NELL2: variants seen among roughly 807,000 people sequenced by gnomAD.
The protein encoded by NELL2 is protein kinase C-binding protein NELL2.
In NELL2, 41 loss-of-function variants were observed where a neutral mutation model predicts 109.6. That is an observed-to-expected ratio of 0.37 (90% CI 0.29 to 0.49). The LOEUF is 0.49. Ranked by LOEUF, NELL2 falls within the 20% of genes least tolerant of loss-of-function variation. The pLI, the probability that NELL2 is intolerant of heterozygous loss-of-function variation, is 0.98. For missense variants in NELL2, 900 were observed against 1,008.3 expected, an observed-to-expected ratio of 0.89 and a Z score of 1.45; for synonymous variants, 355 against 344.7, an observed-to-expected ratio of 1.03 and a Z score of -0.33.
At chr12:44,543,995 T>C (rs1464074346) in intron 15 of NELL2, among the ~76,000 whole-genome samples, 1 of 152,090 alleles carries the variant, frequency 6.6e-6, no homozygotes, top group Non-Finnish European at 1.5e-5. Flanking sequence ...AGTCCATAGG[T>C]AAAGCATGAG....
intron 16 of NELL2, among the ~76,000 whole-genome samples, chr12:44,525,578 G>A (rs1051790572): frequency 6.6e-6 from 1 of 152,086 alleles, no homozygotes; most frequent in Non-Finnish European, 1.5e-5. Flanking sequence ...CACATAGTTT[G>A]GTTATAACAA....
At chr12:44,765,675 G>C (rs1941299912) in intron 9 of NELL2, among the ~76,000 whole-genome samples, 1 of 152,172 alleles carries the variant, frequency 6.6e-6, no homozygotes, top group Admixed American at 6.5e-5. Context: ...ATTGGAAGAA[G>C]CTCCGTTCTT....
Position 44,571,663 on chromosome 12 carries a change from C to T in NELL2, c.1663+35506G>A, listed in dbSNP as rs530364723. ...GCTGATATTTCATATTTGGTAAATA[C>T]CTTTATTGAAACACCAAAATGAGTT... On this transcript the variant is annotated intron_variant, in intron 15 of 19. Coordinates refer to ENST00000429094, the MANE Select transcript of NELL2 (RefSeq NM_001145108.2). Among the ~76,000 whole-genome samples the T allele has an allele frequency of 1.1e-3, 161 of 152,230 alleles. 1 individual carries two copies. Among genetic ancestry groups the T allele is most frequent in the Non-Finnish European group, 1.9e-3 (132 of 68,002 alleles).
rs540979852 is a variant in NELL2, at chr12:44,607,031, C to T, written c.1663+138G>A. Reference sequence around the variant, plus strand: ...AATGCATCACTGAAACTTCCCACCTCCTCCCTCCTATCACTTCCTTATTAA... The same window carrying T: ...AATGCATCACTGAAACTTCCCACCTTCTCCCTCCTATCACTTCCTTATTAA... On this transcript the variant is annotated intron_variant, in intron 15 of 19. Transcript: ENST00000429094. 4.5e-4 allele frequency: 291 copies of T among 652,816 alleles called. 1 individual carries two copies. In the African/African-American group the frequency reaches 4.6e-3, roughly 10 times the overall value. The allele number at this position is 652,816 out of a possible 1,614,324, so 40.4% of individuals were successfully genotyped here.
chr12:44,832,565 C>G (rs1943920760), intron 2 of NELL2, among the ~76,000 whole-genome samples: 2 of 152,186 alleles, frequency 1.3e-5, no homozygotes, highest in Non-Finnish European at 2.9e-5. Flanking sequence ...GACTTTGCCA[C>G]CTACTTCCAC....
intron 9 of NELL2, among the ~76,000 whole-genome samples, chr12:44,760,537 C>G (rs11182647): frequency 1.3e-5 from 2 of 151,942 alleles, no homozygotes; most frequent in African/African-American, 4.8e-5. Context: ...AATTAGTATC[C>G]TAAGACACAA....
At chr12:44,611,774 A>G (rs1945634392) in intron 13 of NELL2, among the ~76,000 whole-genome samples, 1 of 152,018 alleles carries the variant, frequency 6.6e-6, no homozygotes, top group Non-Finnish European at 1.5e-5. Context: ...AGGAATATCA[A>G]GTAACTTCAG....
At chr12:44,630,719 T>C (rs1321689838) in intron 13 of NELL2, among the ~76,000 whole-genome samples, 1 of 152,114 alleles carries the variant, frequency 6.6e-6, no homozygotes, top group Non-Finnish European at 1.5e-5. Flanking sequence ...AGAACAGTCA[T>C]AATAATGAAG....
chr12:44,918,983 A>G (rs1196153083), upstream of NELL2, among the ~76,000 whole-genome samples: 3 of 152,210 alleles, frequency 2.0e-5, no homozygotes, highest in Non-Finnish European at 2.9e-5. Context: ...TAACATGCTA[A>G]GAATGACAGA....
chr12:44,564,710 A>G (rs972881223), intron 15 of NELL2, among the ~76,000 whole-genome samples: 6 of 152,248 alleles, frequency 3.9e-5, no homozygotes, highest in Non-Finnish European at 7.3e-5. Flanking sequence ...TATTTTAGAT[A>G]CAAGGAGTAC....
chr12:44,847,728 G>A (rs543889820), intron 2 of NELL2, among the ~76,000 whole-genome samples: 1 of 151,820 alleles, frequency 6.6e-6, no homozygotes, highest in Non-Finnish European at 1.5e-5. Context: ...TTCCTCTCTT[G>A]GGGTTTTGGC....
At chr12:44,913,891 A>T (rs1206323006) in exon 1 of NELL2, 1 of 561,612 alleles carries the variant, frequency 1.8e-6, no homozygotes, top group Admixed American at 4.2e-5. Context: ...TGAATAAAGC[A>T]TCTTCCTTAT....
rs147627986 is a variant in NELL2 at position 44,864,158 on chromosome 12, T to C, written c.184+11067A>G. ...AACAAGAGAGGAAGAAAGGAATAAA[T>C]ATGTCCAAAACTTCCATAAAACAAT... On this transcript the variant is annotated intron_variant, in intron 2 of 19. Coordinates refer to ENST00000429094, the MANE Select transcript of NELL2 (RefSeq NM_001145108.2). Among the ~76,000 whole-genome samples, 1,028 of 152,200 alleles carry C rather than the reference T, an allele frequency of 6.8e-3. 10 individuals carry two copies. The highest frequency in any genetic ancestry group is 0.024 in the African/African-American group (979 of 41,536).
At chr12:44,768,502 A>G (rs928603280) in intron 9 of NELL2, among the ~76,000 whole-genome samples, 12 of 145,776 alleles carry the variant, frequency 8.2e-5, no homozygotes, top group Non-Finnish European at 4.5e-5. Flanking sequence ...ACATATACCT[A>G]TAGAATTATA....
At chr12:44,738,442 G>A (rs544018546) in intron 9 of NELL2, among the ~76,000 whole-genome samples, 2 of 151,422 alleles carry the variant, frequency 1.3e-5, no homozygotes, top group East Asian at 3.9e-4. Context: ...TTTTAAAAAT[G>A]TGATTACATA....
chr12:44,650,059 C>A (rs1465062610), intron 13 of NELL2, among the ~76,000 whole-genome samples: 1 of 152,204 alleles, frequency 6.6e-6, no homozygotes, highest in East Asian at 1.9e-4. Flanking sequence ...ACTCCTCTCG[C>A]AAAGGAGTTG....
chr12:44,704,477 A>C (rs958031895), intron 11 of NELL2, among the ~76,000 whole-genome samples: 3 of 152,230 alleles, frequency 2.0e-5, no homozygotes, highest in Non-Finnish European at 2.9e-5. Flanking sequence ...TCTTTATAAG[A>C]GAAAAGAAAA....
At chr12:44,575,146 C>T (rs901415547) in intron 15 of NELL2, among the ~76,000 whole-genome samples, 3 of 152,148 alleles carry the variant, frequency 2.0e-5, no homozygotes, top group African/African-American at 7.2e-5. Context: ...AGAACAGGGC[C>T]TTTCACATAG....
At chr12:44,545,577 T>C (rs373647909) in intron 15 of NELL2, among the ~76,000 whole-genome samples, 10 of 152,176 alleles carry the variant, frequency 6.6e-5, no homozygotes, top group African/African-American at 2.4e-4. Context: ...GAAAGAGACA[T>C]CACCTCACTT....
Sources: allele counts gnomAD v4.1 joint callset (sites outside exome capture counted in the v4.1 genomes callset), GRCh38; gene constraint gnomAD v4.1.1; transcripts MANE v1.5; gene names NCBI Gene and HGNC (gene_info 2026-07-23, HGNC 2026-07-21).